MIS18A: variants seen among roughly 807,000 people sequenced by gnomAD.
The protein encoded by MIS18A is protein Mis18-alpha.
In MIS18A, 14 loss-of-function variants were observed where a neutral mutation model predicts 25.0. The observed-to-expected ratio is 0.56, with a 90% CI of 0.37 to 0.88. The LOEUF is 0.88. Ranked by LOEUF, MIS18A falls within the 40% of genes least tolerant of loss-of-function variation. The pLI is 0.00. For missense variants in MIS18A, 292 were observed against 290.8 expected, an observed-to-expected ratio of 1.00 and a Z score of -0.03; for synonymous variants, 134 against 118.6, an observed-to-expected ratio of 1.13 and a Z score of -0.84.
the MIS18A span, among the ~76,000 whole-genome samples, chr21:32,192,062 G>C: frequency 6.6e-6 from 1 of 152,182 alleles, no homozygotes; most frequent in African/African-American, 2.4e-5. Context: ...GGAAGGAAGG[G>C]AAGATATCTC....
chr21:32,262,223 C>G, the MIS18A span, among the ~76,000 whole-genome samples: 1 of 152,204 alleles, frequency 6.6e-6, no homozygotes, highest in East Asian at 1.9e-4. Context: ...GCACAGTGCT[C>G]CGCACCTCCT....
At chr21:32,252,483 A>C in the MIS18A span, among the ~76,000 whole-genome samples, 212 of 152,286 alleles carry the variant, frequency 1.4e-3, no homozygotes, top group Non-Finnish European at 2.6e-3. Flanking sequence ...GTATTAGTAC[A>C]TTTACTTGAT....
chr21:32,229,139 C>T, the MIS18A span, among the ~76,000 whole-genome samples: 15 of 152,152 alleles, frequency 9.9e-5, no homozygotes, highest in South Asian at 2.3e-3. Flanking sequence ...GTTTCTTAGT[C>T]CCTTGGGATT....
the MIS18A span, among the ~76,000 whole-genome samples, chr21:32,262,158 T>C: frequency 2.6e-5 from 4 of 152,338 alleles, no homozygotes; most frequent in East Asian, 7.7e-4. Context: ...GGTATGATGC[T>C]TCCTACGGAA....
At position 32,278,695 on chromosome 21, in the gene MIS18A, C is replaced by T. The variant is rs559229597; in HGVS notation, c.320G>A (p.Cys107Tyr). 5.1e-6 allele frequency: 8 copies of T among 1,564,156 alleles called. No individual in the cohort carries two copies. In the African/African-American group the frequency reaches 9.4e-5, roughly 18 times the overall value. ...SWVASQEDTN[C>Y]ILLRCVSCNV... ...ACCCAACTGACAGCGAAGCAGGATG[C>T]AGTTGGTGTCCTCCTGGCTGGCCAC... The change falls in exon 1 of 5, where the codon TGC (cysteine) becomes TAC (tyrosine). Residue 107 changes from cysteine to tyrosine, a missense_variant. By Grantham distance (194) the Cys-to-Tyr change is radical. Coordinates refer to ENST00000290130, the MANE Select transcript of MIS18A (RefSeq NM_018944.3).
the MIS18A span, among the ~76,000 whole-genome samples, chr21:32,194,519 T>TGGG: frequency 6.6e-6 from 1 of 151,688 alleles, no homozygotes; most frequent in Admixed American, 6.6e-5. Context: ...ATTAGCCAGG[T>TGGG]GTGGTGGTGC....
chr21:32,241,740 G>GC, the MIS18A span, among the ~76,000 whole-genome samples: 152,361 of 152,366 alleles, frequency 1, 76,178 homozygotes, highest in Middle Eastern at 1. Context: ...CAGAGGCAAA[G>GC]CGGTAACATT....
the MIS18A span, among the ~76,000 whole-genome samples, chr21:32,206,046 G>A: frequency 6.6e-6 from 1 of 152,112 alleles, no homozygotes; most frequent in Non-Finnish European, 1.5e-5. Flanking sequence ...GGAATCCAGT[G>A]GTCCCCCCAT....
At chr21:32,265,249 G>GC (rs2031571310), downstream of MIS18A, among the ~76,000 whole-genome samples, 2 of 152,296 alleles carry the variant, frequency 1.3e-5, no homozygotes. Context: ...GAGCCCTTCA[G>GC]CCCCCCACTG....
chr21:32,161,551 G>A, the MIS18A span, among the ~76,000 whole-genome samples: 1 of 151,778 alleles, frequency 6.6e-6, no homozygotes, highest in African/African-American at 2.4e-5. Context: ...GAGTGCAGTG[G>A]CGTGATCTCA....
the MIS18A span, among the ~76,000 whole-genome samples, chr21:32,210,221 G>A: frequency 6.6e-6 from 1 of 152,088 alleles, no homozygotes; most frequent in African/African-American, 2.4e-5. Context: ...CTTACAATGG[G>A]AATAATAATA....
the MIS18A span, among the ~76,000 whole-genome samples, chr21:32,189,418 A>G: frequency 1.3e-5 from 2 of 152,088 alleles, no homozygotes; most frequent in African/African-American, 2.4e-5. Context: ...AGCTGGGACC[A>G]CAGGTATGCA....
At chr21:32,185,796 GC>G in the MIS18A span, among the ~76,000 whole-genome samples, 1 of 151,902 alleles carries the variant, frequency 6.6e-6, no homozygotes, top group Non-Finnish European at 1.5e-5. Flanking sequence ...TCCTCCCTGG[GC>G]CCCTGCCACC....
chr21:32,222,619 G>C, the MIS18A span, among the ~76,000 whole-genome samples: 1 of 152,166 alleles, frequency 6.6e-6, no homozygotes, highest in Non-Finnish European at 1.5e-5. Flanking sequence ...AATCAAATTA[G>C]AAATCAGGAT....
At chr21:32,265,569 G>A (rs1028598759), downstream of MIS18A, among the ~76,000 whole-genome samples, 9 of 152,328 alleles carry the variant, frequency 5.9e-5, no homozygotes, top group South Asian at 2.1e-4. Flanking sequence ...GCCTTCCCGC[G>A]GGGCAGGGCT....
chr21:32,156,888 T>C, the MIS18A span, among the ~76,000 whole-genome samples: 38 of 152,138 alleles, frequency 2.5e-4, no homozygotes, highest in Non-Finnish European at 1.5e-4. Flanking sequence ...ATCCCAGTTA[T>C]AAAGCTAGTC....
the MIS18A span, among the ~76,000 whole-genome samples, chr21:32,208,482 T>C: frequency 1.3e-5 from 2 of 152,260 alleles, no homozygotes; most frequent in East Asian, 3.9e-4. Context: ...CCACCATGAT[T>C]GTAAGTTTCC....
At chr21:32,246,583 A>C in the MIS18A span, among the ~76,000 whole-genome samples, 1 of 152,210 alleles carries the variant, frequency 6.6e-6, no homozygotes, top group Non-Finnish European at 1.5e-5. Context: ...CTGAGGACAC[A>C]GTGTCCTTGT....
chr21:32,157,066 T>C, the MIS18A span, among the ~76,000 whole-genome samples: 1 of 147,548 alleles, frequency 6.8e-6, no homozygotes, highest in Non-Finnish European at 1.5e-5. Context: ...TTTTTTTTTT[T>C]TTTTGAGATG....
Sources: allele counts gnomAD v4.1 joint callset (sites outside exome capture counted in the v4.1 genomes callset), GRCh38; gene constraint gnomAD v4.1.1; transcripts MANE v1.5; gene names NCBI Gene and HGNC (gene_info 2026-07-23, HGNC 2026-07-21).